Variants in RBFOX1 observed in about 807,000 individuals in gnomAD.
RBFOX1 encodes the protein RNA binding protein fox-1 homolog 1.
In RBFOX1, 8 loss-of-function variants were observed where a neutral mutation model predicts 57.7. The ratio of observed to expected loss-of-function variants is 0.14; its 90% CI spans 0.08 to 0.25. RBFOX1 has a LOEUF of 0.25. RBFOX1 is among the 10% of genes least tolerant of loss of function. RBFOX1 has a pLI of 1.00. For synonymous variants in RBFOX1, 326 were observed against 222.4 expected (o/e 1.47, Z -4.15); for missense variants, 611 against 548.5 (o/e 1.11, Z -1.14).
At chr16:7,706,004 C>T (rs1282608841) in intron 14 of RBFOX1, among the ~76,000 whole-genome samples, 5 of 152,188 alleles carry the variant, frequency 3.3e-5, no homozygotes, top group Admixed American at 2.0e-4. Flanking sequence ...CGTAAGACCT[C>T]TTCCCATCAT....
intron 3 of RBFOX1, among the ~76,000 whole-genome samples, chr16:5,801,203 A>G (rs2055044275): frequency 6.6e-6 from 1 of 152,230 alleles, no homozygotes; most frequent in Non-Finnish European, 1.5e-5. Flanking sequence ...TATGTAGCAC[A>G]TTAATGTATT....
chr16:5,865,891 G>A (rs552301164), intron 3 of RBFOX1, among the ~76,000 whole-genome samples: 1 of 152,182 alleles, frequency 6.6e-6, no homozygotes, highest in Admixed American at 6.5e-5. Flanking sequence ...GGCCTTTCCT[G>A]TGTGCAGGAG....
At chr16:5,546,606 A>G (rs1178180651) in intron 2 of RBFOX1, among the ~76,000 whole-genome samples, 2 of 152,332 alleles carry the variant, frequency 1.3e-5, no homozygotes, top group East Asian at 3.9e-4. Context: ...ACAAAAATTA[A>G]CTGAAAATGC....
chr16:7,275,218 C>A (rs985581190), intron 4 of RBFOX1, among the ~76,000 whole-genome samples: 23 of 152,174 alleles, frequency 1.5e-4, no homozygotes, highest in African/African-American at 4.1e-4. Context: ...ACATGCTACA[C>A]TACTAACTCA....
chr16:7,159,009 A>G (rs991353784), intron 4 of RBFOX1, among the ~76,000 whole-genome samples: 2 of 149,862 alleles, frequency 1.3e-5, no homozygotes, highest in South Asian at 2.1e-4. Flanking sequence ...GATTCCCCCC[A>G]TTTCTCTCAC....
At chr16:5,283,433 T>G (rs2063319852) in intron 1 of RBFOX1, among the ~76,000 whole-genome samples, 1 of 152,018 alleles carries the variant, frequency 6.6e-6, no homozygotes, top group African/African-American at 2.4e-5. Flanking sequence ...CTGCAAACAC[T>G]CAATGCCAAC....
intron 4 of RBFOX1, among the ~76,000 whole-genome samples, chr16:7,401,506 G>A (rs915647905): frequency 6.6e-6 from 1 of 152,086 alleles, no homozygotes; most frequent in African/African-American, 2.4e-5. Flanking sequence ...GATTAGGTAG[G>A]TAAAAAATAG....
At chr16:7,299,562 T>C (rs913278911) in intron 4 of RBFOX1, among the ~76,000 whole-genome samples, 1 of 152,166 alleles carries the variant, frequency 6.6e-6, no homozygotes. Flanking sequence ...CCCTTTACTC[T>C]GAAAAAGGAG....
intron 4 of RBFOX1, among the ~76,000 whole-genome samples, chr16:7,478,215 C>T (rs572319988): frequency 8.3e-4 from 126 of 152,284 alleles, no homozygotes; most frequent in Middle Eastern, 3.4e-3. Context: ...AATGTTGCTA[C>T]CTTCATGTAA....
chr16:7,129,914 G>C (rs1022866182), intron 4 of RBFOX1, among the ~76,000 whole-genome samples: 1 of 151,948 alleles, frequency 6.6e-6, no homozygotes, highest in Non-Finnish European at 1.5e-5. Context: ...ATGATAAGTG[G>C]AACCCTGCTT....
rs551605692 is a variant in RBFOX1, at chr16:6,563,846, A to G, written c.-63-90757A>G. 4.2e-3 allele frequency among the ~76,000 whole-genome samples: 628 copies of G among 150,578 alleles called. 6 individuals are homozygous for G. The highest frequency in any genetic ancestry group is 0.014 in the African/African-American group (580 of 40,974). ...GTCTCCAAAAAAAAAATATATATAT[A>G]TGTGTGTGTGTGTGTGTATGTATGT... On this transcript the variant is annotated intron_variant, in intron 2 of 15. Coordinates refer to ENST00000550418, the MANE Select transcript of RBFOX1 (RefSeq NM_018723.4).
At position 6,654,631 on chromosome 16, in the gene RBFOX1, T is replaced by A; in HGVS notation, c.-35T>A. 6.6e-7 allele frequency: 1 copy of A among 1,510,598 alleles called. No individual in the cohort carries two copies. Among genetic ancestry groups the A allele is most frequent in the South Asian group, 1.3e-5 (1 of 79,088 alleles). The allele number at this position is 1,510,598 out of a possible 1,614,324, so 93.6% of individuals were successfully genotyped here. A position where few individuals can be genotyped will look rare whatever the true frequency, so the allele number is the denominator to read the frequency against. On this transcript the variant is annotated 5_prime_UTR_variant, in exon 3 of 16. Transcript: ENST00000550418. ...ATCAAAGCAGACTGCAATACCTGCG[T>A]GGAAATAGAAGACAGAAAGGTGAGT...
At chr16:6,760,821 A>G (rs1008772203) in intron 3 of RBFOX1, among the ~76,000 whole-genome samples, 3 of 152,142 alleles carry the variant, frequency 2.0e-5, no homozygotes, top group African/African-American at 4.8e-5. Context: ...ACTAGAACCA[A>G]CACCAACAGT....
At chr16:7,463,002 C>G (rs1267266104) in intron 4 of RBFOX1, among the ~76,000 whole-genome samples, 2 of 152,140 alleles carry the variant, frequency 1.3e-5, no homozygotes, top group Non-Finnish European at 2.9e-5. Context: ...TCTTAGCCTG[C>G]TTGGGCTGCC....
intron 3 of RBFOX1, among the ~76,000 whole-genome samples, chr16:6,925,542 T>C (rs1186151081): frequency 2.6e-5 from 4 of 152,010 alleles, no homozygotes; most frequent in Non-Finnish European, 5.9e-5. Context: ...GATTTTGATC[T>C]ATTTTATTCA....
intron 1 of RBFOX1, among the ~76,000 whole-genome samples, chr16:6,025,104 G>GAT (rs2095163774): frequency 6.6e-6 from 1 of 152,182 alleles, no homozygotes; most frequent in Non-Finnish European, 1.5e-5. Flanking sequence ...GAGATACCAG[G>GAT]ATATATTTAT....
intron 4 of RBFOX1, among the ~76,000 whole-genome samples, chr16:7,292,397 TATGTA>T (rs1349134877): frequency 7.1e-6 from 1 of 141,358 alleles, no homozygotes; most frequent in Non-Finnish European, 1.5e-5. Flanking sequence ...TGATATATAA[TATGTA>T]ATGTATTATA....
chr16:5,833,494 CAAAAAAAAAAAA>C (rs1183168830), intron 3 of RBFOX1, among the ~76,000 whole-genome samples: 2 of 59,568 alleles, frequency 3.4e-5, no homozygotes, highest in Non-Finnish European at 7.0e-5. Flanking sequence ...GACTCTATCT[CAAAAAAAAAAAA>C]AAAAAAAAAG....
chr16:5,707,655 G>A (rs1217526409), intron 3 of RBFOX1, among the ~76,000 whole-genome samples: 2 of 152,164 alleles, frequency 1.3e-5, no homozygotes, highest in African/African-American at 4.8e-5. Flanking sequence ...TATGAGGTTT[G>A]CTGGTGTTGC....
Sources: allele counts gnomAD v4.1 joint callset (sites outside exome capture counted in the v4.1 genomes callset), GRCh38; gene constraint gnomAD v4.1.1; transcripts MANE v1.5; gene names NCBI Gene and HGNC (gene_info 2026-07-23, HGNC 2026-07-21).